The following SLC24A3 variants were observed in gnomAD, a reference collection of about 807,000 sequenced individuals.
SLC24A3 encodes solute carrier family 24 member 3, also known as sodium/potassium/calcium exchanger 3.
Under a neutral mutation model 75.8 loss-of-function variants are expected in SLC24A3, and 28 were observed. That is an observed-to-expected ratio of 0.37 (90% CI 0.27 to 0.51). SLC24A3 has a LOEUF of 0.51. SLC24A3 is among the 20% of genes least tolerant of loss of function. The probability of loss-of-function intolerance (pLI) is 0.94; values close to 1 mark genes in which losing one functional copy is unlikely to be tolerated. For synonymous variants in SLC24A3, 372 were observed against 334.1 expected (o/e 1.11, Z -1.24); for missense variants, 663 against 847.8 (o/e 0.78, Z 2.71).
intron 1 of SLC24A3, among the ~76,000 whole-genome samples, chr20:19,268,824 T>G (rs910613904): frequency 1.1e-4 from 16 of 152,372 alleles, no homozygotes; most frequent in African/African-American, 3.6e-4. Context: ...TTGATGCTCC[T>G]TTCCATTCTT....
At chr20:19,321,345 C>T (rs1164248625) in intron 2 of SLC24A3, among the ~76,000 whole-genome samples, 2 of 152,090 alleles carry the variant, frequency 1.3e-5, no homozygotes, top group African/African-American at 2.4e-5. Flanking sequence ...GCGAACACAG[C>T]GATTACTCAT....
chr20:19,551,606 G>T lies in SLC24A3; in HGVS notation c.349-28394G>T, dbSNP rs543624519. On this transcript the variant is annotated intron_variant, in intron 3 of 16. Coordinates refer to ENST00000328041, the MANE Select transcript of SLC24A3 (RefSeq NM_020689.4). ...GAGTCGCTTGTTTTTCCTCATGTGC[G>T]GTTTCCTCCTAGCCTCTTCTACAGA... Among the ~76,000 whole-genome samples, 6 of 152,206 alleles carry T rather than the reference G, an allele frequency of 3.9e-5. No homozygotes were observed. In the East Asian group the frequency reaches 7.7e-4, roughly 20 times the overall value.
chr20:19,602,123 G>A (rs1568669340), intron 6 of SLC24A3, among the ~76,000 whole-genome samples: 1 of 152,126 alleles, frequency 6.6e-6, no homozygotes, highest in Non-Finnish European at 1.5e-5. Context: ...GCAGTGAGCC[G>A]AGATTGTGCC....
chr20:19,514,058 G>T (rs1327389397), intron 2 of SLC24A3, among the ~76,000 whole-genome samples: 1 of 152,204 alleles, frequency 6.6e-6, no homozygotes, highest in Non-Finnish European at 1.5e-5. Flanking sequence ...CAAACACTTC[G>T]TGTGGCTCCA....
intron 2 of SLC24A3, among the ~76,000 whole-genome samples, chr20:19,509,153 AT>A (rs1988500977): frequency 6.6e-6 from 1 of 152,338 alleles, no homozygotes; most frequent in African/African-American, 2.4e-5. Flanking sequence ...CAGGGATGAC[AT>A]CAACACACCC....
In SLC24A3 at chr20:19,226,477, T is replaced by C. The variant is rs191652629; in HGVS notation, c.142+13493T>C. Among the ~76,000 whole-genome samples, 8 of 152,302 alleles carry C rather than the reference T, an allele frequency of 5.3e-5. No homozygotes were observed. The East Asian group carries it at 1.5e-3, about 29-fold the overall frequency. On this transcript the variant is annotated intron_variant, in intron 1 of 16. Coordinates refer to ENST00000328041, the MANE Select transcript of SLC24A3 (RefSeq NM_020689.4). ...TCCTCACAGTTTCTGGAAGAAACTA[T>C]GTACAATTGGTGGGTCATGCTTTTT... is the stretch of plus-strand genomic sequence containing the variant.
At chr20:19,375,875 G>C (rs1986075265) in intron 2 of SLC24A3, among the ~76,000 whole-genome samples, 1 of 152,160 alleles carries the variant, frequency 6.6e-6, no homozygotes, top group South Asian at 2.1e-4. Flanking sequence ...TCCTGCACTT[G>C]GTAAAGGTGA....
intron 6 of SLC24A3, among the ~76,000 whole-genome samples, chr20:19,652,942 A>T (rs1019817438): frequency 2.0e-5 from 3 of 152,180 alleles, no homozygotes; most frequent in African/African-American, 7.2e-5. Flanking sequence ...CCAGGCAAAC[A>T]TCCTGTGGCC....
chr20:19,346,583 A>G (rs1256034411), intron 2 of SLC24A3, among the ~76,000 whole-genome samples: 1 of 151,968 alleles, frequency 6.6e-6, no homozygotes, highest in African/African-American at 2.4e-5. Context: ...AAGTGAAGTA[A>G]CTCAGGAATG....
At chr20:19,679,640 A>G (rs548177040) in intron 9 of SLC24A3, among the ~76,000 whole-genome samples, 2 of 152,238 alleles carry the variant, frequency 1.3e-5, no homozygotes, top group South Asian at 2.1e-4. Flanking sequence ...TAAAAGGACT[A>G]TTTTCTTTAA....
At chr20:19,480,768 A>G (rs889607645) in intron 2 of SLC24A3, among the ~76,000 whole-genome samples, 2 of 152,206 alleles carry the variant, frequency 1.3e-5, no homozygotes, top group Non-Finnish European at 2.9e-5. Flanking sequence ...CCCCTTGGCC[A>G]GTGAACTCAA....
At chr20:19,663,218 C>T (rs554094515) in intron 7 of SLC24A3, among the ~76,000 whole-genome samples, 4 of 152,016 alleles carry the variant, frequency 2.6e-5, no homozygotes, top group Non-Finnish European at 5.9e-5. Flanking sequence ...CAGGCATGAG[C>T]CACTGTGCCA....
chr20:19,277,273 G>T (rs1425089636), intron 1 of SLC24A3, among the ~76,000 whole-genome samples: 1 of 152,196 alleles, frequency 6.6e-6, no homozygotes, highest in Non-Finnish European at 1.5e-5. Context: ...GTATTTCCAT[G>T]TAGGGTTTTC....
intron 3 of SLC24A3, among the ~76,000 whole-genome samples, chr20:19,570,675 A>T (rs1324473195): frequency 6.6e-6 from 1 of 152,200 alleles, no homozygotes; most frequent in Non-Finnish European, 1.5e-5. Flanking sequence ...AGTAATGATG[A>T]ACACAAATGA....
At chr20:19,219,230 G>A (rs568776010) in intron 1 of SLC24A3, among the ~76,000 whole-genome samples, 1 of 152,194 alleles carries the variant, frequency 6.6e-6, no homozygotes, top group African/African-American at 2.4e-5. Context: ...CCTTGCTGTT[G>A]CTAGTCCCGG....
chr20:19,406,646 AGGAGACT>A (rs1488639487), intron 2 of SLC24A3, among the ~76,000 whole-genome samples: 2 of 152,312 alleles, frequency 1.3e-5, no homozygotes, highest in East Asian at 3.9e-4. Context: ...GGTGAGCTAC[AGGAGACT>A]GGCAGACAGA....
chr20:19,384,595 G>T (rs6046037), intron 2 of SLC24A3, among the ~76,000 whole-genome samples: 7 of 152,144 alleles, frequency 4.6e-5, no homozygotes, highest in Non-Finnish European at 1.0e-4. Flanking sequence ...TGGACACTTA[G>T]GTTGATTCAG....
chr20:19,710,434 C>T (rs1021430554), intron 15 of SLC24A3, among the ~76,000 whole-genome samples: 1 of 152,192 alleles, frequency 6.6e-6, no homozygotes, highest in Non-Finnish European at 1.5e-5. Context: ...GAACTAGCCA[C>T]CCTCCTGTTT....
At chr20:19,429,059 A>G (rs749345503) in intron 2 of SLC24A3, among the ~76,000 whole-genome samples, 2 of 152,276 alleles carry the variant, frequency 1.3e-5, no homozygotes, top group Non-Finnish European at 2.9e-5. Context: ...GCTATTTTTT[A>G]GAAATCAGAA....
Sources: allele counts gnomAD v4.1 joint callset (sites outside exome capture counted in the v4.1 genomes callset), GRCh38; gene constraint gnomAD v4.1.1; transcripts MANE v1.5; gene names NCBI Gene and HGNC (gene_info 2026-07-23, HGNC 2026-07-21).